ST8SIA2: variants seen among roughly 807,000 people sequenced by gnomAD.
The protein encoded by ST8SIA2 is ST8 alpha-N-acetyl-neuraminide alpha-2,8-sialyltransferase 2.
In ST8SIA2, 22 loss-of-function variants were observed where a neutral mutation model predicts 37.6. The observed-to-expected ratio is 0.58, with a 90% confidence interval of 0.42 to 0.83. The LOEUF (loss-of-function observed/expected upper bound fraction) is 0.83, where lower values mean the gene tolerates loss of function less well. ST8SIA2 is among the 40% of genes least tolerant of loss of function. The pLI, the probability that ST8SIA2 is intolerant of heterozygous loss-of-function variation, is 0.00. For missense variants in ST8SIA2, 382 were observed against 484.7 expected (o/e 0.79, Z 1.99); for synonymous variants, 205 against 201.2 (o/e 1.02, Z -0.16).
chr15:92,397,356 G>T (rs1301445402), intron 1 of ST8SIA2, among the ~76,000 whole-genome samples: 1 of 152,132 alleles, frequency 6.6e-6, no homozygotes, highest in Non-Finnish European at 1.5e-5. Context: ...GAATTGAGGG[G>T]CAGGGCTTTC....
chr15:92,463,970 G>A lies in ST8SIA2; in HGVS notation c.843-130G>A, dbSNP rs111927063. On this transcript the variant is annotated intron_variant, in intron 5 of 5. Transcript: ENST00000268164. ...CTCCTCTGTGGAGGGAACCAGGGAT[G>A]TGTAGCTTGATCGGTCCCTGGAGTG... The A allele has an allele frequency of 3.0e-4, 391 of 1,297,492 alleles. No homozygotes were observed. In the African/African-American group the frequency reaches 4.8e-3, roughly 16 times the overall value. 80.4% of individuals were successfully genotyped at this position (1,297,492 alleles called of 1,614,324 possible). A position where few individuals can be genotyped will look rare whatever the true frequency, so the allele number is the denominator to read the frequency against.
intron 5 of ST8SIA2, among the ~76,000 whole-genome samples, chr15:92,461,237 A>C (rs2049955274): frequency 6.6e-6 from 1 of 152,042 alleles, no homozygotes; most frequent in Non-Finnish European, 1.5e-5. Context: ...TCTGCCCCTC[A>C]CATTCCCAGA....
chr15:92,411,720 A>G (rs891873660), intron 1 of ST8SIA2, among the ~76,000 whole-genome samples: 41 of 152,240 alleles, frequency 2.7e-4, no homozygotes, highest in African/African-American at 9.2e-4. Flanking sequence ...GTCCACAGTC[A>G]CCTCAATGGT....
chr15:92,396,563 G>A (rs752892390), intron 1 of ST8SIA2, among the ~76,000 whole-genome samples: 7 of 150,582 alleles, frequency 4.6e-5, no homozygotes, highest in African/African-American at 7.4e-5. Context: ...GCACAATCTC[G>A]GCTCACTGCA....
At chr15:92,451,619 A>G (rs559233464) in intron 5 of ST8SIA2, among the ~76,000 whole-genome samples, 6 of 152,166 alleles carry the variant, frequency 3.9e-5, no homozygotes, top group Non-Finnish European at 8.8e-5. Flanking sequence ...AAATACAGTC[A>G]CACATTCTGC....
chr15:92,422,602 T>G (rs2049643814), intron 1 of ST8SIA2: 1 of 152,620 alleles, frequency 6.6e-6, no homozygotes, highest in Non-Finnish European at 1.5e-5. Flanking sequence ...CCCACTGTGT[T>G]GGGGTGACTG....
At chr15:92,398,133 CA>C (rs1406895862) in intron 1 of ST8SIA2, among the ~76,000 whole-genome samples, 1 of 151,354 alleles carries the variant, frequency 6.6e-6, no homozygotes, top group African/African-American at 2.4e-5. Flanking sequence ...GACTCCATCT[CA>C]AAAAAAGAAA....
intron 1 of ST8SIA2, among the ~76,000 whole-genome samples, chr15:92,403,036 C>T (rs1007391261): frequency 2.0e-5 from 3 of 152,004 alleles, no homozygotes; most frequent in Non-Finnish European, 4.4e-5. Context: ...GGGAGCCCTT[C>T]GGGGAGGGGC....
At chr15:92,400,928 G>C (rs528220614) in intron 1 of ST8SIA2, among the ~76,000 whole-genome samples, 1 of 152,190 alleles carries the variant, frequency 6.6e-6, no homozygotes, top group Non-Finnish European at 1.5e-5. Flanking sequence ...GAAATGTGAG[G>C]TCAGGTCGGG....
chr15:92,452,636 C>T (rs923596137), intron 5 of ST8SIA2, among the ~76,000 whole-genome samples: 1 of 152,226 alleles, frequency 6.6e-6, no homozygotes, highest in Non-Finnish European at 1.5e-5. Flanking sequence ...CCTGGGCACA[C>T]TGTTCTGATG....
intron 1 of ST8SIA2, among the ~76,000 whole-genome samples, chr15:92,421,721 G>A (rs948253044): frequency 2.6e-5 from 4 of 152,210 alleles, no homozygotes; most frequent in African/African-American, 4.8e-5. Context: ...GTTCCCCAGT[G>A]CTTTAAAGGT....
At chr15:92,431,973 T>C (rs2049719070) in intron 2 of ST8SIA2, among the ~76,000 whole-genome samples, 2 of 152,192 alleles carry the variant, frequency 1.3e-5, no homozygotes, top group African/African-American at 4.8e-5. Context: ...CTTTGCCATC[T>C]TGTGTCCAGG....
intron 1 of ST8SIA2, among the ~76,000 whole-genome samples, chr15:92,405,777 A>G (rs1029428030): frequency 5.9e-5 from 9 of 152,302 alleles, no homozygotes; most frequent in African/African-American, 2.2e-4. Context: ...CAAATACCCA[A>G]CATCTGGGAT....
At chr15:92,438,230 C>G in intron 3 of ST8SIA2, 123 bp from the exon 4 acceptor site, 2 of 1,420,504 alleles carry the variant, frequency 1.4e-6, no homozygotes, top group Non-Finnish European at 2.0e-6. Flanking sequence ...GAACTCTCAT[C>G]ATACTCTGCG....
chr15:92,467,933 C>G lies in ST8SIA2; in HGVS notation c.*3548C>G, dbSNP rs1484049592. ...TGCTCCCACGGCAGCACCATCAACT[C>G]AACAAGTCAGAAGCCAAGTGGATCA... On this transcript the variant is annotated 3_prime_UTR_variant, in exon 6 of 6. Transcript: ENST00000268164. 17 of 152,376 alleles carry G rather than the reference C, an allele frequency of 1.1e-4. No homozygotes were observed. 9.4% of individuals were successfully genotyped at this position (152,376 alleles called of 1,614,324 possible).
At chr15:92,461,122 A>G (rs2049954375) in intron 5 of ST8SIA2, among the ~76,000 whole-genome samples, 1 of 152,094 alleles carries the variant, frequency 6.6e-6, no homozygotes, top group Non-Finnish European at 1.5e-5. Flanking sequence ...CAGTTATCTA[A>G]TAACCCTGAT....
rs113111398 is a variant in ST8SIA2 at position 92,441,639 on chromosome 15, G to A, written c.549-2997G>A. Reference sequence around the variant, plus strand: ...CACACACGCACTTCTTCCATAGGGAGAATCTGATGAACAAATGCCCTTCCA... The same window carrying A: ...CACACACGCACTTCTTCCATAGGGAAAATCTGATGAACAAATGCCCTTCCA... On this transcript the variant is annotated intron_variant, in intron 4 of 5. Coordinates refer to ENST00000268164, the MANE Select transcript of ST8SIA2 (RefSeq NM_006011.4). 5.8e-3 allele frequency among the ~76,000 whole-genome samples: 875 copies of A among 151,932 alleles called. 2 individuals carry two copies. Among genetic ancestry groups the A allele is most frequent in the Non-Finnish European group, 9.8e-3 (665 of 67,972 alleles).
intron 3 of ST8SIA2, among the ~76,000 whole-genome samples, chr15:92,437,184 G>A (rs2049765162): frequency 6.6e-6 from 1 of 152,204 alleles, no homozygotes; most frequent in African/African-American, 2.4e-5. Context: ...CTTTGTATCT[G>A]TTCTAGATAG....
At chr15:92,398,588 T>A (rs987980928) in intron 1 of ST8SIA2, among the ~76,000 whole-genome samples, 1 of 152,194 alleles carries the variant, frequency 6.6e-6, no homozygotes, top group Non-Finnish European at 1.5e-5. Flanking sequence ...TTTGTAGAGC[T>A]CTGTGAGCCA....
Sources: gnomAD v4.1 joint callset for allele counts (sites outside exome capture counted in the v4.1 genomes callset) on GRCh38, gnomAD v4.1.1 for gene constraint, MANE v1.5 for transcripts, NCBI Gene and HGNC (gene_info 2026-07-23, HGNC 2026-07-21) for gene names.